The following SLC44A1 variants were observed in gnomAD, a reference collection of about 807,000 sequenced individuals.
The protein encoded by SLC44A1 is solute carrier family 44 member 1.
Under a neutral mutation model 79.3 loss-of-function variants are expected in SLC44A1, and 26 were observed. The ratio of observed to expected loss-of-function variants is 0.33; its 90% CI spans 0.24 to 0.46. The LOEUF (loss-of-function observed/expected upper bound fraction) is 0.46, where lower values mean the gene tolerates loss of function less well. SLC44A1 is among the 20% of genes least tolerant of loss of function. The pLI, the probability that SLC44A1 is intolerant of heterozygous loss-of-function variation, is 1.00. For synonymous variants in SLC44A1, 263 were observed against 286.2 expected (o/e 0.92, Z 0.82); for missense variants, 688 against 798.1 (o/e 0.86, Z 1.66).
chr9:105,289,900 G>T lies in SLC44A1; in HGVS notation c.37-9320G>T, dbSNP rs142670980. 1.8e-3 allele frequency among the ~76,000 whole-genome samples: 265 copies of T among 150,552 alleles called. 2 individuals carry two copies. The highest frequency in any genetic ancestry group is 6.3e-3 in the African/African-American group (257 of 40,982). On this transcript the variant is annotated intron_variant, in intron 1 of 15. Coordinates refer to ENST00000374720, the MANE Select transcript of SLC44A1 (RefSeq NM_080546.5). ...GGAATATCAACTCACTGCCACCTCTGCCTCCCAGGTTCAAGTGATTCTCCT... is the reference window on the plus strand; with the variant it reads ...GGAATATCAACTCACTGCCACCTCTTCCTCCCAGGTTCAAGTGATTCTCCT...
In SLC44A1 at chr9:105,362,965, T is replaced by G; in HGVS notation, c.1045T>G (p.Trp349Gly). ...GACTTTCTTTGCTCTTGTCTTGTTT[T>G]GGGTGTACTGGATCATGACACTTCT... The part of the protein sequence containing the change: ...FWTFFALVLF[W>G]VYWIMTLLFL... The change falls in exon 9 of 16, where the codon TGG (tryptophan) becomes GGG (glycine). Residue 349 changes from tryptophan (W) to glycine (G), a missense_variant. Physicochemically the swap from Trp to Gly is radical, Grantham distance 184. Coordinates refer to ENST00000374720, the MANE Select transcript of SLC44A1 (RefSeq NM_080546.5). 6.2e-7 allele frequency: 1 copy of G among 1,613,268 alleles called. No homozygotes were observed. Among genetic ancestry groups the G allele is most frequent in the Non-Finnish European group, 8.5e-7 (1 of 1,179,730 alleles).
At chr9:105,299,808 G>A in intron 2 of SLC44A1, 1 of 986,408 alleles carries the variant, frequency 1.0e-6, no homozygotes, top group Non-Finnish European at 1.2e-6. Flanking sequence ...AAGGGACCTG[G>A]TGGTTTTCCA....
chr9:105,251,271 T>G (rs538707754), intron 1 of SLC44A1, among the ~76,000 whole-genome samples: 1 of 152,156 alleles, frequency 6.6e-6, no homozygotes, highest in East Asian at 1.9e-4. Context: ...TTGTGGAAAC[T>G]GGAGACTCGA....
intron 2 of SLC44A1, among the ~76,000 whole-genome samples, chr9:105,305,895 G>A (rs9644967): frequency 0.38 from 50,409 of 131,168 alleles, 10,977 homozygotes; most frequent in Non-Finnish European, 0.49. Context: ...CTAAGCAAAA[G>A]CCCTTACTTA....
chr9:105,408,314 C>CA (rs1381535572), intron 15 of SLC44A1, among the ~76,000 whole-genome samples: 3 of 151,996 alleles, frequency 2.0e-5, no homozygotes, highest in South Asian at 2.1e-4. Context: ...TCTAGCTATA[C>CA]AAAAAAATAA....
In SLC44A1 at chr9:105,383,291, T is replaced by G. The variant is rs1490497395; in HGVS notation, c.1801T>G (p.Phe601Val). 1.9e-6 allele frequency: 3 copies of G among 1,613,836 alleles called. No individual in the cohort carries two copies. The highest frequency in any genetic ancestry group is 2.7e-5 in the African/African-American group (2 of 74,914). Residue 601 changes from phenylalanine to valine, a missense_variant, in exon 14 of 16, where the codon TTT becomes GTT. Phe to Val is a conservative substitution (Grantham distance 50). Coordinates refer to ENST00000374720, the MANE Select transcript of SLC44A1 (RefSeq NM_080546.5). ...GGTAGTGGATGTATTATTCTTGTGTTTTGCCATTGATACAAAATACAATGA... is the reference window on the plus strand; with the variant it reads ...GGTAGTGGATGTATTATTCTTGTGTGTTGCCATTGATACAAAATACAATGA... ...EMVVDVLFLC[F>V]AIDTKYNDGS...
chr9:105,286,857 A>G (rs928167422), intron 1 of SLC44A1, among the ~76,000 whole-genome samples: 1 of 152,172 alleles, frequency 6.6e-6, no homozygotes, highest in African/African-American at 2.4e-5. Flanking sequence ...CTAACTACTC[A>G]GGAGGCTAAG....
intron 13 of SLC44A1, among the ~76,000 whole-genome samples, chr9:105,380,078 G>T (rs77391306): frequency 1.3e-5 from 2 of 152,138 alleles, no homozygotes; most frequent in Non-Finnish European, 2.9e-5. Flanking sequence ...AACATTGCCA[G>T]GCATTGCATT....
In SLC44A1 at chr9:105,307,157, T is replaced by G. The variant is rs77479947; in HGVS notation, c.127-2567T>G. Among the ~76,000 whole-genome samples the G allele has an allele frequency of 3.0e-4, 45 of 152,328 alleles. No homozygotes were observed. In the East Asian group the frequency reaches 8.1e-3, roughly 27 times the overall value. On this transcript the variant is annotated intron_variant, in intron 2 of 15. Coordinates refer to ENST00000374720, the MANE Select transcript of SLC44A1 (RefSeq NM_080546.5). The stretch of plus-strand genomic sequence containing the variant: ...AGCTAGGGATCGGATATGCATTATT[T>G]CATTTAGTTCTCATCATTAGGCTGT...
At chr9:105,310,275 ATATTT>A (rs1270490366) in intron 3 of SLC44A1, among the ~76,000 whole-genome samples, 3 of 152,144 alleles carry the variant, frequency 2.0e-5, no homozygotes, top group Non-Finnish European at 4.4e-5. Context: ...ATAATAGAAA[ATATTT>A]TATGTTGTAT....
chr9:105,245,634 C>T (rs2131184682), intron 1 of SLC44A1, among the ~76,000 whole-genome samples: 1 of 152,308 alleles, frequency 6.6e-6, no homozygotes, highest in African/African-American at 2.4e-5. Flanking sequence ...GTGACGGGAG[C>T]GCTACGGAAA....
At position 105,395,852 on chromosome 9, in the gene SLC44A1, A is replaced by G; in HGVS notation, c.*6796A>G. 1.0e-6 allele frequency: 1 copy of G among 984,408 alleles called. No individual in the cohort carries two copies. The highest frequency in any genetic ancestry group is 4.7e-5 in the South Asian group (1 of 21,262). 61.0% of individuals were successfully genotyped at this position (984,408 alleles called of 1,614,324 possible). On this transcript the variant is annotated 3_prime_UTR_variant, in exon 16 of 16. Coordinates refer to ENST00000374720, the MANE Select transcript of SLC44A1 (RefSeq NM_080546.5). The stretch of plus-strand genomic sequence containing the variant: ...TGGATCATTCTAGTTGCCACTAGAA[A>G]ATGTGAGCTCCTTCTTCATTTACCA...
chr9:105,300,582 T>C (rs1390226127), intron 2 of SLC44A1, among the ~76,000 whole-genome samples: 1 of 151,996 alleles, frequency 6.6e-6, no homozygotes, highest in Non-Finnish European at 1.5e-5. Context: ...ATACGATAAA[T>C]CCAGTAAAAT....
intron 15 of SLC44A1, among the ~76,000 whole-genome samples, chr9:105,412,173 A>G (rs1344526361): frequency 6.6e-6 from 1 of 152,226 alleles, no homozygotes; most frequent in Admixed American, 6.5e-5. Flanking sequence ...CAAATAATAT[A>G]TATGTTAAAT....
At chr9:105,434,902 T>G (rs1267995946) in intron 15 of SLC44A1, among the ~76,000 whole-genome samples, 1 of 152,220 alleles carries the variant, frequency 6.6e-6, no homozygotes, top group Admixed American at 6.5e-5. Context: ...CCCAGCATTT[T>G]GGGATGCCAA....
chr9:105,421,126 T>G (rs965905788), intron 15 of SLC44A1, among the ~76,000 whole-genome samples: 2 of 152,208 alleles, frequency 1.3e-5, no homozygotes, highest in Non-Finnish European at 2.9e-5. Flanking sequence ...AATTATTTAT[T>G]TTCCTTATAA....
intron 15 of SLC44A1, among the ~76,000 whole-genome samples, chr9:105,423,167 G>A (rs1331767632): frequency 2.6e-5 from 4 of 152,174 alleles, no homozygotes; most frequent in African/African-American, 4.8e-5. Flanking sequence ...TGGGCCAGGC[G>A]TGGTGGCTCA....
intron 5 of SLC44A1, among the ~76,000 whole-genome samples, chr9:105,351,350 A>G (rs1003059674): frequency 9.2e-5 from 14 of 152,106 alleles, no homozygotes; most frequent in African/African-American, 2.9e-4. Context: ...CCTGGCCAAC[A>G]TGGTGGAACC....
At chr9:105,309,186 ATTG>A (rs34669661) in intron 2 of SLC44A1, among the ~76,000 whole-genome samples, 22,936 of 152,062 alleles carry the variant, frequency 0.15, 2,395 homozygotes, top group African/African-American at 0.3. Context: ...CCACGTTCCT[ATTG>A]TTCTTTGAAT....
Sources: allele counts gnomAD v4.1 joint callset (sites outside exome capture counted in the v4.1 genomes callset), GRCh38; gene constraint gnomAD v4.1.1; transcripts MANE v1.5; gene names NCBI Gene and HGNC (gene_info 2026-07-23, HGNC 2026-07-21).